Variants in FER1L5 observed in about 807,000 individuals in gnomAD.
The protein encoded by FER1L5 is fer-1 like family member 5, also known as fer-1-like protein 5.
Under a neutral mutation model 279.9 loss-of-function variants are expected in FER1L5, and 187 were observed. That is an observed-to-expected ratio of 0.67 (90% CI 0.59 to 0.75). FER1L5 has a LOEUF of 0.75. Among genes scored for constraint, FER1L5 ranks in the 30% least tolerant of loss-of-function variants. FER1L5 has a pLI of 0.00. For missense variants in FER1L5, 2,091 were observed against 2,594.4 expected, an observed-to-expected ratio of 0.81 and a Z score of 4.21; for synonymous variants, 921 against 989.7, an observed-to-expected ratio of 0.93 and a Z score of 1.30.
chr2:96,647,995 T>C (rs2075210276), intron 4 of FER1L5, 109 bp downstream of exon 4: 1 of 760,604 alleles, frequency 1.3e-6, no homozygotes, highest in Admixed American at 2.1e-5. Context: ...CCCATCACAC[T>C]GCCTTCCTCT....
chr2:96,669,014 C>T (rs369883410), intron 16 of FER1L5, 29 bp from the exon 17 acceptor site: 2 of 1,551,666 alleles, frequency 1.3e-6, no homozygotes, highest in Non-Finnish European at 1.7e-6. Context: ...CGTCCTGCGC[C>T]CGACCCTTCT....
chr2:96,662,360 A>G, intron 13 of FER1L5, 93 bp downstream of exon 13: 3 of 1,154,320 alleles, frequency 2.6e-6, no homozygotes, highest in Admixed American at 2.0e-5. Flanking sequence ...GACCACAGGA[A>G]TCATCTCCCA....
chr2:96,665,183 C>G (rs2076085656), intron 14 of FER1L5, among the ~76,000 whole-genome samples: 1 of 152,204 alleles, frequency 6.6e-6, no homozygotes, highest in African/African-American at 2.4e-5. Context: ...TGAGAGATAA[C>G]TTGAGCTCTC....
Position 96,694,717 on chromosome 2 carries a change from A to G in FER1L5, c.3741+253A>G. On this transcript the variant is annotated intron_variant, in intron 34 of 52. Transcript: ENST00000624922. The surrounding 1 kb of genome is among the most constrained non-coding windows in gnomAD (Gnocchi z 4.6). ...GCATGCATGATCACTTGTGGGACTC[A>G]CGCTGCCCCTGCGCAGTAGCAACTA... is the stretch of plus-strand genomic sequence containing the variant. 2.7e-6 allele frequency: 1 copy of G among 367,528 alleles called. No homozygotes were observed. Among genetic ancestry groups the G allele is most frequent in the East Asian group, 4.2e-5 (1 of 23,908 alleles). The allele number at this position is 367,528 out of a possible 1,614,324, so 22.8% of individuals were successfully genotyped here.
In FER1L5 at chr2:96,687,951, A is replaced by C; in HGVS notation, c.2361+4A>C. On this transcript the variant is annotated splice_donor_region_variant and intron_variant, in intron 24 of 52. Coordinates refer to ENST00000624922, the MANE Select transcript of FER1L5 (RefSeq NM_001293083.2). ...CACAGCGGTGTACGCCGAGATGGTGAGTGGTGAGCGGCAGCCCAAGGCCAG... is the reference window on the plus strand; with the variant it reads ...CACAGCGGTGTACGCCGAGATGGTGCGTGGTGAGCGGCAGCCCAAGGCCAG... The C allele has an allele frequency of 6.4e-7, 1 of 1,550,508 alleles. No homozygotes were observed.
In FER1L5 at chr2:96,699,744, A is replaced by T. The variant is rs754166901; in HGVS notation, c.4781+24A>T. The T allele has an allele frequency of 6.8e-6, 11 of 1,612,028 alleles. No homozygotes were observed. In the East Asian group the frequency reaches 2.0e-4, roughly 29 times the overall value. On this transcript the variant is annotated intron_variant, in intron 43 of 52. Coordinates refer to ENST00000624922, the MANE Select transcript of FER1L5 (RefSeq NM_001293083.2). ...CAGTGAGAGTGGGCCCGTCTGGGGG[A>T]AGGGAGTCAGGTGGGGTGGAAGAGT...
chr2:96,644,237 G>C (rs1193989240), intron 1 of FER1L5, among the ~76,000 whole-genome samples: 1 of 151,702 alleles, frequency 6.6e-6, no homozygotes. Context: ...CCAGCGCTTT[G>C]GGAGGCCGAG....
intron 37 of FER1L5, among the ~76,000 whole-genome samples, chr2:96,696,863 C>T (rs1323606654): frequency 6.6e-6 from 1 of 152,164 alleles, no homozygotes; most frequent in African/African-American, 2.4e-5. Flanking sequence ...CAAGATCCCA[C>T]CACTGCACTC....
intron 9 of FER1L5, chr2:96,654,866 TC>T (rs1446236395): frequency 7.5e-6 from 1 of 132,454 alleles, no homozygotes; most frequent in Non-Finnish European, 1.5e-5. Context: ...ACCACTGCAC[TC>T]CAGCCTGGGC....
At chr2:96,687,458 C>A (rs757813030) in intron 23 of FER1L5, among the ~76,000 whole-genome samples, 23 of 152,260 alleles carry the variant, frequency 1.5e-4, no homozygotes, top group Admixed American at 2.6e-4. Flanking sequence ...TCACCATGCC[C>A]TCTCATGGTG....
intron 34 of FER1L5, chr2:96,695,097 C>T (rs536621629): frequency 3.2e-4 from 55 of 171,254 alleles, no homozygotes; most frequent in African/African-American, 1.2e-3. Flanking sequence ...ATGAGCTAGA[C>T]GGCACAGGGG....
intron 45 of FER1L5, 56 bp downstream of exon 45, chr2:96,700,527 C>CA: frequency 6.2e-7 from 1 of 1,604,760 alleles, no homozygotes; most frequent in Non-Finnish European, 8.5e-7. Context: ...GATCAGGAGA[C>CA]AGAGATGCCT....
chr2:96,655,385 A>G (rs1206869586), intron 9 of FER1L5, among the ~76,000 whole-genome samples: 2 of 152,240 alleles, frequency 1.3e-5, no homozygotes, highest in Non-Finnish European at 2.9e-5. Flanking sequence ...AACAAAAAAT[A>G]CATTTTAAAT....
Position 96,691,483 on chromosome 2 carries a change from C to T in FER1L5, c.2946C>T (p.Asp982=), listed in dbSNP as rs1004725954. The part of the protein sequence containing the change: ...AKGEEEGWEY[D]TFGSKFHLNP... ...GCGAGGAGGAGGGCTGGGAGTATGACACCTTCGGCTCCAAGTTCCACCTCA... is the reference window on the plus strand; with the variant it reads ...GCGAGGAGGAGGGCTGGGAGTATGATACCTTCGGCTCCAAGTTCCACCTCA... The change falls in exon 29 of 53, where the codon GAC becomes GAT. Residue 982 remains aspartate (D), a synonymous_variant. Coordinates refer to ENST00000624922, the MANE Select transcript of FER1L5 (RefSeq NM_001293083.2). This position sits in a 1 kb window ranked among gnomAD's most constrained non-coding sequence, Gnocchi z 6.0. The T allele has an allele frequency of 6.5e-7, 1 of 1,548,834 alleles. No homozygotes were observed.
In FER1L5 at chr2:96,692,156, G is replaced by A. The variant is rs1208628386; in HGVS notation, c.3267G>A (p.Val1089=). Residue 1089 remains valine (V), a synonymous_variant, in exon 31 of 53, where the codon GTG becomes GTA. Transcript: ENST00000624922. ...ACATCTACCAGGCCCGGAACCTGGT[G>A]TCCAATCAGATCCTGACATTCCAAG... ...FCYIYQARNL[V]SNQILTFQGP... 3.2e-6 allele frequency: 5 copies of A among 1,551,708 alleles called. No homozygotes were observed. In the South Asian group the frequency reaches 5.9e-5, roughly 18 times the overall value.
chr2:96,702,378 G>A lies in FER1L5; in HGVS notation c.5232G>A (p.Lys1744=). The A allele has an allele frequency of 6.2e-7, 1 of 1,612,738 alleles. No homozygotes were observed. Among genetic ancestry groups the A allele is most frequent in the South Asian group, 1.1e-5 (1 of 90,618 alleles). ...TGGATGACAATTTAAGTAGAGAGAA[G>A]ACGAGCGACATCTACATCAAAGGGT... ...DLVDDNLSRE[K]TSDIYIKGWL... is the part of the protein sequence containing the mutation. Residue 1744 remains lysine (K), a synonymous_variant, in exon 47 of 53, where the codon AAG becomes AAA. Coordinates refer to ENST00000624922, the MANE Select transcript of FER1L5 (RefSeq NM_001293083.2). The surrounding 1 kb of genome is among the most constrained non-coding windows in gnomAD (Gnocchi z 4.0).
At chr2:96,701,240 G>A (rs2077575455) in intron 45 of FER1L5, among the ~76,000 whole-genome samples, 2 of 152,244 alleles carry the variant, frequency 1.3e-5, no homozygotes, top group African/African-American at 4.8e-5. Context: ...AGCCTGAGAG[G>A]CAGAGGCTGC....
intron 6 of FER1L5, among the ~76,000 whole-genome samples, chr2:96,650,757 C>T (rs764143511): frequency 3.9e-5 from 6 of 152,210 alleles, no homozygotes; most frequent in South Asian, 2.1e-4. Context: ...GCTTCTAGCC[C>T]GTGGCCTAAC....
In FER1L5 at chr2:96,685,416, G is replaced by A. The variant is rs1180918764; in HGVS notation, c.1882G>A (p.Ala628Thr). The A allele has an allele frequency of 4.5e-6, 7 of 1,550,606 alleles. No individual in the cohort carries two copies. Among genetic ancestry groups the A allele is most frequent in the South Asian group, 1.2e-5 (1 of 83,988 alleles). Residue 628 changes from alanine to threonine, a missense_variant, in exon 21 of 53, where the codon GCA becomes ACA. Transcript: ENST00000624922. Reference protein sequence around the residue: ...YQWEKLLRELAEDCKRPLPCM... With the variant: ...YQWEKLLRELTEDCKRPLPCM... ...GTGGGAGAAACTGCTGAGGGAGCTGGCAGAGGACTGCAAGTAGGAGTAGGG... is the reference window on the plus strand; with the variant it reads ...GTGGGAGAAACTGCTGAGGGAGCTGACAGAGGACTGCAAGTAGGAGTAGGG...
Sources: gnomAD v4.1 joint callset for allele counts (sites outside exome capture counted in the v4.1 genomes callset) on GRCh38, gnomAD v4.1.1 for gene constraint, Gnocchi (gnomAD v3.1) non-coding constraint, MANE v1.5 for transcripts, NCBI Gene and HGNC (gene_info 2026-07-23, HGNC 2026-07-21) for gene names.